The following GPR149 variants were observed in gnomAD, a reference collection of about 807,000 sequenced individuals.
GPR149 encodes the protein probable G protein-coupled receptor 149.
GPR149 carries 50 observed loss-of-function variants against 50.2 expected under a neutral mutation model. The ratio of observed to expected loss-of-function variants is 1.00; its 90% CI spans 0.79 to 1.26. GPR149 has a LOEUF of 1.26. Ranked by LOEUF, GPR149 falls within the 50% of genes most tolerant of loss-of-function variation. GPR149 has a pLI of 0.00. For missense variants in GPR149, 983 were observed against 895.4 expected (o/e 1.10, Z -1.25); for synonymous variants, 405 against 358.2 (o/e 1.13, Z -1.48).
At chr3:154,381,250 A>G (rs1211239783) in intron 3 of GPR149, among the ~76,000 whole-genome samples, 2 of 152,172 alleles carry the variant, frequency 1.3e-5, no homozygotes, top group Non-Finnish European at 2.9e-5. Flanking sequence ...TGGTGTATTC[A>G]CTGGACCCCA....
intron 3 of GPR149, among the ~76,000 whole-genome samples, chr3:154,372,265 T>G (rs990889385): frequency 1.3e-5 from 2 of 152,194 alleles, no homozygotes; most frequent in Admixed American, 6.5e-5. Context: ...GATATATGCT[T>G]AAAATATTCC....
At chr3:154,379,241 C>T (rs1274378930) in intron 3 of GPR149, among the ~76,000 whole-genome samples, 1 of 388 alleles carries the variant, frequency 2.6e-3, no homozygotes, top group African/African-American at 0.045. Flanking sequence ...AGCGAGACTC[C>T]GTCTCAAAAA....
chr3:154,343,256 T>C (rs1373912039), intron 3 of GPR149, among the ~76,000 whole-genome samples: 1 of 152,166 alleles, frequency 6.6e-6, no homozygotes, highest in Non-Finnish European at 1.5e-5. Context: ...ATGACAGTCA[T>C]AGAAAAAGGT....
chr3:154,424,492 T>C (rs1712238545), intron 2 of GPR149, among the ~76,000 whole-genome samples: 1 of 151,860 alleles, frequency 6.6e-6, no homozygotes, highest in Admixed American at 6.6e-5. Flanking sequence ...GCCTTGACAG[T>C]GCTACAGTTC....
intron 3 of GPR149, among the ~76,000 whole-genome samples, chr3:154,373,557 A>T (rs1316297659): frequency 6.6e-6 from 1 of 152,088 alleles, no homozygotes; most frequent in Non-Finnish European, 1.5e-5. Flanking sequence ...CTCTCTTGTT[A>T]TGTTTGTTTG....
rs1029904609 is a variant in GPR149 at position 154,364,583 on chromosome 3, A to G, written c.1624-26312T>C. Among the ~76,000 whole-genome samples, 7 of 152,248 alleles carry G rather than the reference A, an allele frequency of 4.6e-5. No homozygotes were observed. The South Asian group carries it at 1.0e-3, about 22-fold the overall frequency. The stretch of plus-strand genomic sequence containing the variant: ...ATGGTGAGATAGGCATGACACAGAC[A>G]TTTTCATCTCAAAAGGGAGAAATAG... On this transcript the variant is annotated intron_variant, in intron 3 of 3. Transcript: ENST00000389740.
In GPR149 at chr3:154,421,407, C is replaced by A. The variant is rs537316370; in HGVS notation, c.1255G>T (p.Asp419Tyr). Residue 419 changes from aspartate to tyrosine, a missense_variant, in exon 3 of 4, where the codon GAT becomes TAT. Coordinates refer to ENST00000389740, the MANE Select transcript of GPR149 (RefSeq NM_001038705.3). Reference sequence around the variant, plus strand: ...TAGAATATGGAATTTTCATCATCATCATAGTAATCTTCATGTGCTATTTTA... The same window carrying A: ...TAGAATATGGAATTTTCATCATCATAATAGTAATCTTCATGTGCTATTTTA... ...IYKIAHEDYY[D>Y]DDENSIFYHN... The A allele has an allele frequency of 6.2e-7, 1 of 1,610,446 alleles. No homozygotes were observed. Among genetic ancestry groups the A allele is most frequent in the African/African-American group, 1.3e-5 (1 of 74,878 alleles).
At chr3:154,413,744 G>A (rs1322899243) in intron 3 of GPR149, among the ~76,000 whole-genome samples, 1 of 151,888 alleles carries the variant, frequency 6.6e-6, no homozygotes, top group African/African-American at 2.4e-5. Context: ...AAAACAGTGT[G>A]GAGATTCCTT....
rs577242275 is a variant in GPR149, at chr3:154,352,317, C to T, written c.1624-14046G>A. 5.6e-5 allele frequency: 54 copies of T among 959,290 alleles called. 1 individual carries two copies. The highest frequency in any genetic ancestry group is 3.9e-4 in the East Asian group (16 of 40,648). The allele number at this position is 959,290 out of a possible 1,614,324, so 59.4% of individuals were successfully genotyped here. A position where few individuals can be genotyped will look rare whatever the true frequency, so the allele number is the denominator to read the frequency against. ...CCAGCCACTTGACCAGCCATTCCTC[C>T]GTTGGGGATTAGAAGACTTGTTTCC... On this transcript the variant is annotated intron_variant, in intron 3 of 3. Coordinates refer to ENST00000389740, the MANE Select transcript of GPR149 (RefSeq NM_001038705.3).
intron 3 of GPR149, among the ~76,000 whole-genome samples, chr3:154,341,587 G>A (rs1459185714): frequency 6.6e-6 from 1 of 151,644 alleles, no homozygotes; most frequent in African/African-American, 2.4e-5. Flanking sequence ...AATAAAAGAA[G>A]TCTTGAAAAA....
At chr3:154,417,462 T>C (rs1487137145) in intron 3 of GPR149, among the ~76,000 whole-genome samples, 1 of 151,994 alleles carries the variant, frequency 6.6e-6, no homozygotes, top group African/African-American at 2.4e-5. Flanking sequence ...ACATAAACTT[T>C]AATTAAAAAA....
chr3:154,426,170 G>C (rs1221221202), intron 2 of GPR149, among the ~76,000 whole-genome samples: 4 of 152,034 alleles, frequency 2.6e-5, no homozygotes, highest in African/African-American at 4.8e-5. Context: ...TTAATCTTTA[G>C]AGACACATCA....
chr3:154,387,186 C>T (rs1715063521), intron 3 of GPR149, among the ~76,000 whole-genome samples: 1 of 152,182 alleles, frequency 6.6e-6, no homozygotes, highest in Non-Finnish European at 1.5e-5. Flanking sequence ...CCCACCTTTT[C>T]TGCAGGGTGA....
intron 3 of GPR149, among the ~76,000 whole-genome samples, chr3:154,417,182 A>T (rs953777031): frequency 1.3e-5 from 2 of 151,740 alleles, no homozygotes; most frequent in East Asian, 3.9e-4. Flanking sequence ...TAACTAAAAA[A>T]CTCTGACGTT....
At chr3:154,353,385 T>C in intron 3 of GPR149, 1 of 1,318,002 alleles carries the variant, frequency 7.6e-7, no homozygotes, top group Non-Finnish European at 1.1e-6. Context: ...AGGATGGTCT[T>C]CAGATTCAGT....
At chr3:154,370,309 G>A (rs543177242) in intron 3 of GPR149, among the ~76,000 whole-genome samples, 2 of 152,266 alleles carry the variant, frequency 1.3e-5, no homozygotes, top group South Asian at 2.1e-4. Context: ...GGGACCAAGA[G>A]GAACAGGCCA....
At chr3:154,425,658 T>G (rs1051657870) in intron 2 of GPR149, among the ~76,000 whole-genome samples, 1 of 152,178 alleles carries the variant, frequency 6.6e-6, no homozygotes. Context: ...AGCCTTCATA[T>G]TTCAAGTCTT....
In GPR149 at chr3:154,428,610, G is replaced by A. The variant is rs1240402256; in HGVS notation, c.981+25C>T. On this transcript the variant is annotated intron_variant, in intron 1 of 3. Coordinates refer to ENST00000389740, the MANE Select transcript of GPR149 (RefSeq NM_001038705.3). ...TACACTGTCTGGCACACACACTCGC[G>A]CTTTGTGAGCAACTGCACTTTTACC... 1.9e-6 allele frequency: 3 copies of A among 1,598,280 alleles called. No homozygotes were observed. The African/African-American group carries it at 4.0e-5, about 21-fold the overall frequency.
intron 3 of GPR149, among the ~76,000 whole-genome samples, chr3:154,407,917 G>A (rs1246290188): frequency 6.6e-6 from 1 of 152,134 alleles, no homozygotes; most frequent in Non-Finnish European, 1.5e-5. Flanking sequence ...GATATCTCAT[G>A]CTGTCAGAAA....
Sources: gnomAD v4.1 joint callset for allele counts (sites outside exome capture counted in the v4.1 genomes callset) on GRCh38, gnomAD v4.1.1 for gene constraint, MANE v1.5 for transcripts, NCBI Gene and HGNC (gene_info 2026-07-23, HGNC 2026-07-21) for gene names.